Variants in DGKI observed in about 807,000 individuals in gnomAD.
DGKI encodes DAG kinase iota.
A neutral mutation model predicts 147.5 loss-of-function variants in DGKI; 55 were observed. The observed-to-expected ratio is 0.37, with a 90% confidence interval of 0.30 to 0.47. The LOEUF (loss-of-function observed/expected upper bound fraction) is 0.47. Ranked by LOEUF, DGKI falls within the 20% of genes least tolerant of loss-of-function variation. DGKI has a pLI of 1.00. For synonymous variants in DGKI, 469 were observed against 477.1 expected (o/e 0.98, Z 0.22); for missense variants, 1,007 against 1,323.8 (o/e 0.76, Z 3.71).
intron 20 of DGKI, among the ~76,000 whole-genome samples, chr7:137,544,781 A>G (rs1344486933): frequency 1.3e-5 from 2 of 152,176 alleles, no homozygotes; most frequent in Non-Finnish European, 2.9e-5. Context: ...ATTCATATTA[A>G]GATATTGCCA....
chr7:137,422,802 A>T (rs1206239131), intron 28 of DGKI, among the ~76,000 whole-genome samples: 1 of 151,704 alleles, frequency 6.6e-6, no homozygotes, highest in East Asian at 1.9e-4. Context: ...GACGGGTTTT[A>T]ACCATGTTAG....
At chr7:137,493,890 T>A in intron 21 of DGKI, 1 of 639,640 alleles carries the variant, frequency 1.6e-6, no homozygotes, top group South Asian at 1.8e-5. Flanking sequence ...ATCATCGAGA[T>A]TCAGGAGAAA....
chr7:137,740,459 T>G (rs1246464357), intron 1 of DGKI, among the ~76,000 whole-genome samples: 3 of 152,166 alleles, frequency 2.0e-5, no homozygotes, highest in African/African-American at 7.2e-5. Context: ...CCAAAGTATG[T>G]CAGCAATGGC....
intron 10 of DGKI, among the ~76,000 whole-genome samples, chr7:137,608,430 A>G (rs1441738482): frequency 1.3e-5 from 2 of 152,168 alleles, no homozygotes; most frequent in African/African-American, 4.8e-5. Flanking sequence ...CTCAAATGAG[A>G]TAAGTATCTG....
chr7:137,690,847 A>G (rs1252216291), intron 1 of DGKI, among the ~76,000 whole-genome samples: 1 of 146,310 alleles, frequency 6.8e-6, no homozygotes, highest in African/African-American at 2.8e-5. Context: ...TAAGAACAGC[A>G]AGAAGAAGAA....
chr7:137,743,498 A>T (rs914936605), intron 1 of DGKI, among the ~76,000 whole-genome samples: 1 of 152,244 alleles, frequency 6.6e-6, no homozygotes, highest in Non-Finnish European at 1.5e-5. Context: ...CCATAAAAAT[A>T]TATGTAAACT....
chr7:137,597,986 G>T, intron 11 of DGKI, 79 bp from the exon 12 acceptor site: 1 of 1,276,756 alleles, frequency 7.8e-7, no homozygotes, highest in Non-Finnish European at 1.1e-6. Context: ...GGACAACATG[G>T]GTAGGTAGGG....
chr7:137,838,357 G>A (rs1311591711), intron 1 of DGKI, among the ~76,000 whole-genome samples: 4 of 152,236 alleles, frequency 2.6e-5, no homozygotes, highest in Middle Eastern at 3.4e-3. Context: ...CATCCATAAG[G>A]ACAATGATGA....
At chr7:137,450,802 T>C (rs1389962950) in intron 27 of DGKI, among the ~76,000 whole-genome samples, 1 of 151,336 alleles carries the variant, frequency 6.6e-6, no homozygotes, top group Admixed American at 6.6e-5. Context: ...CATATATATA[T>C]ATTTTACTTT....
intron 30 of DGKI, among the ~76,000 whole-genome samples, chr7:137,401,109 T>C (rs1811741202): frequency 6.6e-6 from 1 of 152,198 alleles, no homozygotes; most frequent in South Asian, 2.1e-4. Flanking sequence ...GCTTTAACTG[T>C]ACAATGTGGA....
intron 11 of DGKI, 124 bp downstream of exon 11, chr7:137,599,699 G>C: frequency 1.3e-6 from 1 of 785,354 alleles, no homozygotes; most frequent in Non-Finnish European, 2.1e-6. Context: ...AGGAAGGAGA[G>C]TACAGGTGAG....
At chr7:137,565,084 A>G (rs1234323902) in intron 19 of DGKI, among the ~76,000 whole-genome samples, 1 of 152,248 alleles carries the variant, frequency 6.6e-6, no homozygotes, top group East Asian at 1.9e-4. Context: ...AGGATTTGCC[A>G]TAAGAAAATA....
intron 23 of DGKI, among the ~76,000 whole-genome samples, chr7:137,472,112 T>C (rs1302327821): frequency 8.5e-6 from 1 of 117,384 alleles, no homozygotes; most frequent in Non-Finnish European, 1.6e-5. Context: ...TGTGTATATA[T>C]ACATATAAAT....
At chr7:137,490,100 C>T (rs1252643359) in intron 21 of DGKI, among the ~76,000 whole-genome samples, 4 of 151,932 alleles carry the variant, frequency 2.6e-5, no homozygotes, top group South Asian at 2.1e-4. Context: ...CTGTTAATTG[C>T]GAGGAGAAAA....
intron 1 of DGKI, among the ~76,000 whole-genome samples, chr7:137,773,712 A>C (rs538034354): frequency 6.6e-6 from 1 of 152,148 alleles, no homozygotes; most frequent in South Asian, 2.1e-4. Flanking sequence ...TGATAACCAA[A>C]ATACAAAAAA....
At chr7:137,556,881 C>T (rs970600960) in intron 19 of DGKI, among the ~76,000 whole-genome samples, 3 of 152,088 alleles carry the variant, frequency 2.0e-5, no homozygotes, top group East Asian at 1.9e-4. Context: ...ATTCTAGATG[C>T]TTCTATGAAA....
chr7:137,797,489 T>C (rs1336465756), intron 1 of DGKI, among the ~76,000 whole-genome samples: 1 of 152,154 alleles, frequency 6.6e-6, no homozygotes, highest in Non-Finnish European at 1.5e-5. Flanking sequence ...AATGTTGATA[T>C]AGTTATAATG....
intron 20 of DGKI, among the ~76,000 whole-genome samples, chr7:137,546,692 C>G (rs1160695356): frequency 6.6e-6 from 1 of 152,068 alleles, no homozygotes; most frequent in African/African-American, 2.4e-5. Context: ...GAAACTAAAC[C>G]CAAAATGTTT....
At chr7:137,633,503 C>T (rs570947410) in intron 6 of DGKI, among the ~76,000 whole-genome samples, 8 of 152,244 alleles carry the variant, frequency 5.3e-5, no homozygotes, top group Non-Finnish European at 1.5e-5. Flanking sequence ...AAAGCTCTGA[C>T]GATGGTATTG....
Sources: allele counts gnomAD v4.1 joint callset (sites outside exome capture counted in the v4.1 genomes callset), GRCh38; gene constraint gnomAD v4.1.1; transcripts MANE v1.5; gene names NCBI Gene and HGNC (gene_info 2026-07-23, HGNC 2026-07-21).